Variants in GPC5 observed in about 807,000 individuals in gnomAD.
The protein encoded by GPC5 is glypican 5.
In GPC5, 47 loss-of-function variants were observed where a neutral mutation model predicts 53.9. The ratio of observed to expected loss-of-function variants is 0.87; its 90% CI spans 0.69 to 1.11. The LOEUF (loss-of-function observed/expected upper bound fraction) is 1.11. Among genes scored for constraint, GPC5 ranks in the 50% most tolerant of loss-of-function variants. The pLI, the probability that GPC5 is intolerant of heterozygous loss-of-function variation, is 0.00. For synonymous variants in GPC5, 286 were observed against 263.3 expected, an observed-to-expected ratio of 1.09 and a Z score of -0.84; for missense variants, 748 against 713.1, an observed-to-expected ratio of 1.05 and a Z score of -0.56.
At chr13:91,948,154 G>A (rs1219207292) in intron 6 of GPC5, among the ~76,000 whole-genome samples, 1 of 151,536 alleles carries the variant, frequency 6.6e-6, no homozygotes, top group Admixed American at 6.6e-5. Flanking sequence ...CGTGAATCTG[G>A]GAGGTGGAGC....
At chr13:92,657,961 C>T (rs184454053) in intron 7 of GPC5, among the ~76,000 whole-genome samples, 296 of 152,086 alleles carry the variant, frequency 1.9e-3, no homozygotes, top group African/African-American at 7.0e-3. Flanking sequence ...CAAATATGTT[C>T]CTTAATGTAT....
rs149847817 is a variant in GPC5, at chr13:92,695,129, T to G, written c.1562-171153T>G. Among the ~76,000 whole-genome samples the G allele has an allele frequency of 2.1e-4, 32 of 152,316 alleles. No homozygotes were observed. In the East Asian group the frequency reaches 4.8e-3, roughly 23 times the overall value. ...GTGAGTCAATTAAACCTCTTTCCTTTATAAATTATCCAAACTCAGGCAGTT... is the reference window on the plus strand; with the variant it reads ...GTGAGTCAATTAAACCTCTTTCCTTGATAAATTATCCAAACTCAGGCAGTT... On this transcript the variant is annotated intron_variant, in intron 7 of 7. Coordinates refer to ENST00000377067, the MANE Select transcript of GPC5 (RefSeq NM_004466.6).
At chr13:92,536,221 A>G (rs1485757493) in intron 7 of GPC5, among the ~76,000 whole-genome samples, 2 of 152,292 alleles carry the variant, frequency 1.3e-5, no homozygotes, top group South Asian at 2.1e-4. Context: ...TCATTTGACT[A>G]TAGTTCCCAA....
chr13:92,199,068 C>A (rs1334772660), intron 7 of GPC5, among the ~76,000 whole-genome samples: 2 of 152,188 alleles, frequency 1.3e-5, no homozygotes, highest in Non-Finnish European at 2.9e-5. Flanking sequence ...ACTGACACAT[C>A]AATGCTACAT....
At chr13:92,091,820 A>C (rs964642828) in intron 6 of GPC5, among the ~76,000 whole-genome samples, 3 of 152,072 alleles carry the variant, frequency 2.0e-5, no homozygotes, top group African/African-American at 7.2e-5. Context: ...TGTAAATCAC[A>C]ATTTCAATTC....
chr13:92,803,132 T>G (rs763437880), intron 7 of GPC5, among the ~76,000 whole-genome samples: 15 of 152,084 alleles, frequency 9.9e-5, no homozygotes, highest in Non-Finnish European at 1.8e-4. Flanking sequence ...TTTTTTGTAA[T>G]CACTTTCCTC....
At chr13:92,576,717 T>C (rs1304074306) in intron 7 of GPC5, among the ~76,000 whole-genome samples, 1 of 152,226 alleles carries the variant, frequency 6.6e-6, no homozygotes, top group Non-Finnish European at 1.5e-5. Context: ...TCAAAATATG[T>C]TAAAGCCAGC....
intron 2 of GPC5, among the ~76,000 whole-genome samples, chr13:91,565,000 G>GT (rs57988736): frequency 6.7e-6 from 1 of 149,656 alleles, no homozygotes. Context: ...TTTTGGGGGG[G>GT]GGTCGGTGGG....
At chr13:91,507,403 T>G (rs1310163239) in intron 2 of GPC5, among the ~76,000 whole-genome samples, 1 of 152,170 alleles carries the variant, frequency 6.6e-6, no homozygotes, top group Non-Finnish European at 1.5e-5. Flanking sequence ...TCCACATGGC[T>G]GGGGAGGCCT....
intron 7 of GPC5, among the ~76,000 whole-genome samples, chr13:92,566,734 T>G (rs1010554292): frequency 6.6e-6 from 1 of 152,068 alleles, no homozygotes; most frequent in African/African-American, 2.4e-5. Context: ...ATGTAAGAAT[T>G]TATTCTTCAG....
chr13:91,509,172 T>C (rs998714485), intron 2 of GPC5, among the ~76,000 whole-genome samples: 2 of 152,058 alleles, frequency 1.3e-5, no homozygotes, highest in African/African-American at 4.8e-5. Context: ...AATTTATTAT[T>C]CTAATGCCCC....
At chr13:91,437,313 C>T (rs1880057666) in intron 1 of GPC5, among the ~76,000 whole-genome samples, 2 of 152,204 alleles carry the variant, frequency 1.3e-5, no homozygotes, top group African/African-American at 4.8e-5. Flanking sequence ...CATGTTTTTG[C>T]AGTGGCTGGT....
chr13:91,433,717 G>T (rs1172248365), intron 1 of GPC5, among the ~76,000 whole-genome samples: 2 of 152,150 alleles, frequency 1.3e-5, no homozygotes, highest in Non-Finnish European at 2.9e-5. Flanking sequence ...TATATACCCA[G>T]TAATGGGATG....
At chr13:91,535,413 A>G (rs993585497) in intron 2 of GPC5, among the ~76,000 whole-genome samples, 2 of 152,142 alleles carry the variant, frequency 1.3e-5, no homozygotes, top group Non-Finnish European at 2.9e-5. Flanking sequence ...GAAGATAAAA[A>G]TTTTCGATTG....
intron 7 of GPC5, among the ~76,000 whole-genome samples, chr13:92,782,257 C>A (rs191891653): frequency 6.6e-6 from 1 of 152,248 alleles, no homozygotes; most frequent in East Asian, 1.9e-4. Flanking sequence ...TAAAGCCTTA[C>A]CAAATCTCCT....
intron 6 of GPC5, among the ~76,000 whole-genome samples, chr13:92,117,299 T>C (rs1299580388): frequency 1.3e-5 from 2 of 152,206 alleles, no homozygotes; most frequent in African/African-American, 4.8e-5. Flanking sequence ...TAACTATATT[T>C]GTGTAATTTT....
At chr13:92,385,613 A>ATACATATATACACATATG (rs1491296371) in intron 7 of GPC5, among the ~76,000 whole-genome samples, 46 of 144,398 alleles carry the variant, frequency 3.2e-4, no homozygotes, top group Middle Eastern at 7.5e-3. Flanking sequence ...ATACACATAT[A>ATACATATATACACATATG]CATATACATA....
chr13:92,136,611 A>G (rs1325728224), intron 6 of GPC5, among the ~76,000 whole-genome samples: 1 of 152,280 alleles, frequency 6.6e-6, no homozygotes, highest in East Asian at 1.9e-4. Flanking sequence ...TACTTCTCAT[A>G]TATCTGTGTA....
chr13:91,647,973 T>C (rs2034601975), intron 2 of GPC5, among the ~76,000 whole-genome samples: 1 of 152,216 alleles, frequency 6.6e-6, no homozygotes, highest in South Asian at 2.1e-4. Context: ...TCCTGTTCTC[T>C]GATTGCAGAG....
Sources: allele counts gnomAD v4.1 joint callset (sites outside exome capture counted in the v4.1 genomes callset), GRCh38; gene constraint gnomAD v4.1.1; transcripts MANE v1.5; gene names NCBI Gene and HGNC (gene_info 2026-07-23, HGNC 2026-07-21).